NR2F1-AS1: variants seen among roughly 807,000 people sequenced by gnomAD.
The protein encoded by NR2F1-AS1 is NR2F1 regulatory antisense RNA 1.
chr5:93,569,604 G>C (rs1203050025), intron 1 of NR2F1-AS1, among the ~76,000 whole-genome samples: 4 of 152,132 alleles, frequency 2.6e-5, no homozygotes, highest in African/African-American at 4.8e-5. Flanking sequence ...ACAGTTGATG[G>C]AGTCAGTCTG....
chr5:93,431,896 AC>A (rs1749333531), intron 4 of NR2F1-AS1, among the ~76,000 whole-genome samples: 1 of 152,142 alleles, frequency 6.6e-6, no homozygotes. Flanking sequence ...GCTCATCATA[AC>A]TGTCAGTGAG....
intron 4 of NR2F1-AS1, among the ~76,000 whole-genome samples, chr5:93,507,330 T>TTTTG (rs1751205798): frequency 1.3e-5 from 2 of 149,890 alleles, no homozygotes; most frequent in Admixed American, 6.7e-5. Context: ...TTTGGGGTTT[T>TTTTG]TTTTGTTTTG....
chr5:93,475,441 A>G (rs994081593), intron 4 of NR2F1-AS1, among the ~76,000 whole-genome samples: 3 of 152,134 alleles, frequency 2.0e-5, no homozygotes, highest in Non-Finnish European at 4.4e-5. Context: ...GCCTACATTA[A>G]CCAGAATTAG....
At chr5:93,480,516 A>T (rs997099370) in intron 4 of NR2F1-AS1, among the ~76,000 whole-genome samples, 7 of 152,180 alleles carry the variant, frequency 4.6e-5, no homozygotes, top group African/African-American at 1.7e-4. Context: ...TCAGGCTGAA[A>T]TAAAATGATA....
At chr5:93,481,801 TA>T (rs200843258) in intron 4 of NR2F1-AS1, among the ~76,000 whole-genome samples, 1 of 151,576 alleles carries the variant, frequency 6.6e-6, no homozygotes, top group African/African-American at 2.4e-5. Context: ...ACATATTCTT[TA>T]AAAAAAATAG....
intron 4 of NR2F1-AS1, among the ~76,000 whole-genome samples, chr5:93,495,213 G>T (rs1426212203): frequency 6.6e-6 from 1 of 152,096 alleles, no homozygotes; most frequent in Non-Finnish European, 1.5e-5. Flanking sequence ...TTACATACAT[G>T]TGGCTGTTCT....
At chr5:93,524,935 A>C (rs1174101726) in intron 4 of NR2F1-AS1, among the ~76,000 whole-genome samples, 1 of 152,230 alleles carries the variant, frequency 6.6e-6, no homozygotes, top group Non-Finnish European at 1.5e-5. Flanking sequence ...GACACTATGA[A>C]GAAATTGCAC....
intron 4 of NR2F1-AS1, among the ~76,000 whole-genome samples, chr5:93,474,200 C>T (rs1023154220): frequency 1.3e-5 from 2 of 152,006 alleles, no homozygotes; most frequent in Non-Finnish European, 1.5e-5. Flanking sequence ...TATTACTGTA[C>T]AAGATTTGTT....
At chr5:93,526,581 G>A (rs534928027) in intron 4 of NR2F1-AS1, among the ~76,000 whole-genome samples, 4 of 152,180 alleles carry the variant, frequency 2.6e-5, no homozygotes, top group East Asian at 1.9e-4. Context: ...GATGAACATC[G>A]ATGCAAAAAT....
intron 4 of NR2F1-AS1, among the ~76,000 whole-genome samples, chr5:93,461,087 T>G: frequency 6.6e-6 from 1 of 152,156 alleles, no homozygotes; most frequent in East Asian, 1.9e-4. Flanking sequence ...TCAACCCAAA[T>G]GCCCATCAAT....
intron 4 of NR2F1-AS1, among the ~76,000 whole-genome samples, chr5:93,516,595 C>T (rs1751405625): frequency 6.6e-6 from 1 of 151,758 alleles, no homozygotes; most frequent in Non-Finnish European, 1.5e-5. Context: ...ACTGTTAGCC[C>T]TATTTTACAA....
In NR2F1-AS1 at chr5:93,443,132, C is replaced by A. The variant is rs566405433; in HGVS notation, n.639-47590G>T. 2.0e-5 allele frequency among the ~76,000 whole-genome samples: 3 copies of A among 152,310 alleles called. No homozygotes were observed. In the South Asian group the frequency reaches 6.2e-4, roughly 32 times the overall value. ...GCTGAAAATTCTAAAAATCAGAGTG[C>A]CTCTTCTCTTCCAAAGGAATGCAGC... On this transcript the variant is annotated intron_variant and non_coding_transcript_variant, in intron 4 of 5. Coordinates refer to ENST00000660523, the Ensembl canonical transcript of NR2F1-AS1.
Position 93,508,360 on chromosome 5 carries a change from G to A in NR2F1-AS1, n.638+45401C>T, listed in dbSNP as rs184678037. On this transcript the variant is annotated intron_variant and non_coding_transcript_variant, in intron 4 of 5. Coordinates refer to ENST00000660523, the Ensembl canonical transcript of NR2F1-AS1. ...GTTGGTACGCTATATTAGAAAGTTG[G>A]CAATACAAATCATTGAGGAAACGAA... is the stretch of plus-strand genomic sequence containing the variant. Among the ~76,000 whole-genome samples the A allele has an allele frequency of 8.0e-4, 121 of 152,116 alleles. 3 individuals are homozygous for A. The highest frequency in any genetic ancestry group is 2.7e-3 in the African/African-American group (112 of 41,512).
At chr5:93,466,228 G>GT (rs1299222648) in intron 4 of NR2F1-AS1, among the ~76,000 whole-genome samples, 3 of 151,380 alleles carry the variant, frequency 2.0e-5, no homozygotes, top group Admixed American at 1.3e-4. Context: ...TTCCTCTCAT[G>GT]TTTCCTCCAA....
intron 4 of NR2F1-AS1, among the ~76,000 whole-genome samples, chr5:93,516,154 G>A (rs895740049): frequency 1.3e-5 from 2 of 151,842 alleles, no homozygotes; most frequent in Admixed American, 6.6e-5. Flanking sequence ...AAATGTGTAT[G>A]TGCATTTTAT....
At chr5:93,444,068 C>A (rs965316341) in intron 4 of NR2F1-AS1, among the ~76,000 whole-genome samples, 3 of 152,168 alleles carry the variant, frequency 2.0e-5, no homozygotes, top group East Asian at 1.9e-4. Context: ...CATGGAAAGG[C>A]ACAACCGGTA....
At chr5:93,524,059 G>A (rs564413488) in intron 4 of NR2F1-AS1, among the ~76,000 whole-genome samples, 17 of 151,996 alleles carry the variant, frequency 1.1e-4, no homozygotes, top group Middle Eastern at 3.4e-3. Flanking sequence ...AAACTCCCCC[G>A]AGCTGAAGGA....
chr5:93,514,023 C>G (rs1751353005), intron 4 of NR2F1-AS1, among the ~76,000 whole-genome samples: 1 of 151,946 alleles, frequency 6.6e-6, no homozygotes, highest in Non-Finnish European at 1.5e-5. Context: ...CATGAGAACA[C>G]CATAAACCAG....
chr5:93,458,964 A>AT (rs1039799341), intron 4 of NR2F1-AS1, among the ~76,000 whole-genome samples: 2 of 151,782 alleles, frequency 1.3e-5, no homozygotes, highest in Non-Finnish European at 2.9e-5. Flanking sequence ...GTGAGCCGAG[A>AT]TCACACCATT....
Sources: gnomAD v4.1 joint callset for allele counts (sites outside exome capture counted in the v4.1 genomes callset) on GRCh38, gnomAD v4.1.1 for gene constraint, MANE v1.5 for transcripts, NCBI Gene and HGNC (gene_info 2026-07-23, HGNC 2026-07-21) for gene names.